The following SPTLC3 variants were observed in gnomAD, a reference collection of about 807,000 sequenced individuals.
SPTLC3 encodes the protein serine palmitoyltransferase long chain base subunit 3, also known as serine palmitoyltransferase 3.
A neutral mutation model predicts 59.3 loss-of-function variants in SPTLC3; 36 were observed. The observed-to-expected ratio is 0.61, with a 90% CI of 0.47 to 0.80. The LOEUF is 0.80. Ranked by LOEUF, SPTLC3 falls within the 30% of genes least tolerant of loss-of-function variation. The probability of loss-of-function intolerance (pLI) is 0.00; values close to 1 mark genes in which losing one functional copy is unlikely to be tolerated. For missense variants in SPTLC3, 625 were observed against 685.1 expected (o/e 0.91, Z 0.98); for synonymous variants, 257 against 240.8 (o/e 1.07, Z -0.62).
At chr20:13,010,317 C>G (rs975977861) in intron 1 of SPTLC3, among the ~76,000 whole-genome samples, 2 of 152,152 alleles carry the variant, frequency 1.3e-5, no homozygotes, top group Admixed American at 1.3e-4. Context: ...AATCTTCCAT[C>G]ATTTGATCAT....
At chr20:13,148,471 A>G (rs370445073) in intron 9 of SPTLC3, among the ~76,000 whole-genome samples, 5 of 152,332 alleles carry the variant, frequency 3.3e-5, no homozygotes, top group East Asian at 1.9e-4. Context: ...GCTTCGGAGC[A>G]TGTAGCTGTC....
rs755161889 is a variant in SPTLC3, at chr20:13,072,313, C to G, written c.361C>G (p.Arg121Gly). 3.1e-6 allele frequency: 5 copies of G among 1,613,750 alleles called. No individual in the cohort carries two copies. Among genetic ancestry groups the G allele is most frequent in the Non-Finnish European group, 4.2e-6 (5 of 1,179,834 alleles). ...TTTTTATACAAGAAACCTTTACATG[C>G]GAATCAGAGACAACTGGAACCGGCC... is the stretch of plus-strand genomic sequence containing the variant. ...ENFYTRNLYM[R>G]IRDNWNRPIC... The change falls in exon 3 of 12, where the codon CGA becomes GGA. Residue 121 changes from arginine (R) to glycine (G), a missense_variant. Transcript: ENST00000399002.
chr20:13,077,420 C>T (rs1294719160), intron 4 of SPTLC3, among the ~76,000 whole-genome samples: 1 of 151,706 alleles, frequency 6.6e-6, no homozygotes, highest in African/African-American at 2.4e-5. Context: ...AACATATTAC[C>T]ACTAGACTTC....
chr20:13,027,758 C>T (rs1986229621), intron 1 of SPTLC3, among the ~76,000 whole-genome samples: 1 of 151,898 alleles, frequency 6.6e-6, no homozygotes, highest in East Asian at 1.9e-4. Context: ...TTTAAAAATC[C>T]ATGCGATTCT....
At chr20:13,033,227 G>A (rs774466411) in intron 1 of SPTLC3, among the ~76,000 whole-genome samples, 1 of 152,156 alleles carries the variant, frequency 6.6e-6, no homozygotes, top group Non-Finnish European at 1.5e-5. Context: ...CTGATAGTAT[G>A]TGTGTATTAA....
In SPTLC3 at chr20:13,067,724, T is replaced by C. The variant is rs112254239; in HGVS notation, c.304-4532T>C. ...AGGTTCTTATACTTCAAAGAACTAC[T>C]GTAAATACAGTTACCCTTATCAACC... is the stretch of plus-strand genomic sequence containing the variant. On this transcript the variant is annotated intron_variant, in intron 2 of 11. Coordinates refer to ENST00000399002, the MANE Select transcript of SPTLC3 (RefSeq NM_018327.4). Among the ~76,000 whole-genome samples the C allele has an allele frequency of 4.2e-3, 637 of 152,316 alleles. 3 individuals carry two copies. The highest frequency in any genetic ancestry group is 0.014 in the African/African-American group (596 of 41,566).
At chr20:13,026,563 C>A (rs1162722069) in intron 1 of SPTLC3, among the ~76,000 whole-genome samples, 1 of 152,048 alleles carries the variant, frequency 6.6e-6, no homozygotes, top group South Asian at 2.1e-4. Flanking sequence ...CCTGCAGAAT[C>A]CTTTAACACA....
intron 2 of SPTLC3, among the ~76,000 whole-genome samples, chr20:13,053,246 C>A (rs923474892): frequency 6.6e-6 from 1 of 152,116 alleles, no homozygotes; most frequent in Non-Finnish European, 1.5e-5. Flanking sequence ...GATACCCAGG[C>A]AAACAGGGTC....
intron 2 of SPTLC3, 52 bp downstream of exon 2, chr20:13,049,182 G>C: frequency 6.3e-7 from 1 of 1,592,484 alleles, no homozygotes; most frequent in Non-Finnish European, 8.6e-7. Flanking sequence ...CCTCTCTAAA[G>C]TGTTCTCAGA....
Position 13,045,936 on chromosome 20 carries a change from G to A in SPTLC3, c.118-3009G>A, listed in dbSNP as rs1305685771. On this transcript the variant is annotated intron_variant, in intron 1 of 11. Transcript: ENST00000399002. The stretch of plus-strand genomic sequence containing the variant: ...GTTACAGGTGAAGCTCAGAAATGAA[G>A]ATGGGGCCAGGAAAGGAAGAAGAGA... 9.2e-5 allele frequency among the ~76,000 whole-genome samples: 14 copies of A among 152,238 alleles called. No homozygotes were observed. In the East Asian group the frequency reaches 2.7e-3, roughly 30 times the overall value.
chr20:13,065,588 A>C (rs1000193639), intron 2 of SPTLC3, among the ~76,000 whole-genome samples: 1 of 152,054 alleles, frequency 6.6e-6, no homozygotes, highest in East Asian at 1.9e-4. Flanking sequence ...ATGGTCAAAC[A>C]TTGGCAATTC....
rs536740180 is a variant in SPTLC3, at chr20:13,168,279, G to A, written c.*3412G>A. On this transcript the variant is annotated 3_prime_UTR_variant, in exon 12 of 12. Coordinates refer to ENST00000399002, the MANE Select transcript of SPTLC3 (RefSeq NM_018327.4). ...GCTCATTGCAACCTCCACCTCCCGG[G>A]TTCAAGCGATTCTCCTGCCTCAGCC... 1.3e-5 allele frequency: 2 copies of A among 151,682 alleles called. No homozygotes were observed. The highest frequency in any genetic ancestry group is 2.4e-5 in the African/African-American group (1 of 41,196). The allele number at this position is 151,682 out of a possible 1,614,324, so 9.4% of individuals were successfully genotyped here. A position where few individuals can be genotyped will look rare whatever the true frequency, so the allele number is the denominator to read the frequency against.
At chr20:13,023,677 A>T (rs1414535318) in intron 1 of SPTLC3, among the ~76,000 whole-genome samples, 2 of 152,086 alleles carry the variant, frequency 1.3e-5, no homozygotes, top group African/African-American at 4.8e-5. Context: ...ATTTACTACC[A>T]CCTTTTTAAA....
chr20:13,069,874 T>C (rs1240422849), intron 2 of SPTLC3, among the ~76,000 whole-genome samples: 1 of 152,232 alleles, frequency 6.6e-6, no homozygotes, highest in South Asian at 2.1e-4. Context: ...ATTATAATTC[T>C]CTTCAGAGTC....
At chr20:13,009,477 C>G (rs527601334) in intron 1 of SPTLC3, 93 bp downstream of exon 1, 27 of 1,171,354 alleles carry the variant, frequency 2.3e-5, no homozygotes, top group Non-Finnish European at 3.1e-5. Context: ...ACTTAGAGTT[C>G]ATCTTATGAA....
At chr20:13,032,258 T>A (rs1986514796) in intron 1 of SPTLC3, among the ~76,000 whole-genome samples, 1 of 152,190 alleles carries the variant, frequency 6.6e-6, no homozygotes, top group Non-Finnish European at 1.5e-5. Flanking sequence ...TGGTGAAGGA[T>A]AGCCACTTAG....
intron 6 of SPTLC3, among the ~76,000 whole-genome samples, chr20:13,102,062 C>A (rs1335577333): frequency 3.3e-5 from 5 of 152,022 alleles, no homozygotes; most frequent in Admixed American, 2.6e-4. Flanking sequence ...TACTAAAGAC[C>A]AAGAGGAGGA....
chr20:13,115,514 ATGGCTATTTG>A (rs982044441), intron 7 of SPTLC3, among the ~76,000 whole-genome samples: 11 of 152,176 alleles, frequency 7.2e-5, no homozygotes, highest in African/African-American at 2.4e-4. Flanking sequence ...GAACAAAAAA[ATGGCTATTTG>A]TGGCATGTCA....
Position 13,159,988 on chromosome 20 carries a change from TTGC to T in SPTLC3, c.1416-13_1416-11del. 1 of 1,531,700 alleles carries T rather than the reference TTGC, an allele frequency of 6.5e-7. No homozygotes were observed. The highest frequency in any genetic ancestry group is 1.3e-5 in the South Asian group (1 of 78,372). The allele number at this position is 1,531,700 out of a possible 1,614,324, so 94.9% of individuals were successfully genotyped here. ...CTAACCACTTTTTTTTTTTCTTTTT[TTGC>T]TTTTCCTTAAGGGCTTTTGCAAGGC... On this transcript the variant is annotated splice_polypyrimidine_tract_variant and intron_variant, in intron 10 of 11. Coordinates refer to ENST00000399002, the MANE Select transcript of SPTLC3 (RefSeq NM_018327.4).
Sources: gnomAD v4.1 joint callset for allele counts (sites outside exome capture counted in the v4.1 genomes callset) on GRCh38, gnomAD v4.1.1 for gene constraint, MANE v1.5 for transcripts, NCBI Gene and HGNC (gene_info 2026-07-23, HGNC 2026-07-21) for gene names.